The following GCNA variants were observed in gnomAD, a reference collection of about 807,000 sequenced individuals.
GCNA encodes germ cell nuclear acidic protein.
In GCNA, 3 loss-of-function variants were observed where a neutral mutation model predicts 38.8. That is an observed-to-expected ratio of 0.08 (90% CI 0.04 to 0.20). GCNA has a LOEUF of 0.20. Ranked by LOEUF, GCNA falls within the 10% of genes least tolerant of loss-of-function variation. The probability of loss-of-function intolerance (pLI) is 1.00; values close to 1 mark genes in which losing one functional copy is unlikely to be tolerated. For missense variants in GCNA, 446 were observed against 578.6 expected (o/e 0.77, Z 2.35); for synonymous variants, 195 against 240.2 (o/e 0.81, Z 1.74).
intron 6 of GCNA, 98 bp from the exon 7 acceptor site, chrX:71,597,852 G>T: frequency 1.6e-6 from 1 of 626,401 alleles, no homozygotes; most frequent in South Asian, 2.9e-5. Context: ...ACAAAAAATT[G>T]ACAAGTGGTC....
intron 12 of GCNA, 104 bp from the exon 13 acceptor site, chrX:71,612,758 A>C: frequency 9.0e-7 from 1 of 1,109,459 alleles, no homozygotes; most frequent in African/African-American, 1.8e-5. Flanking sequence ...GTCTCTGACA[A>C]CCCAGAGAAA....
chrX:71,612,682 G>A lies in GCNA; in HGVS notation c.1955+123G>A, dbSNP rs762452760. On this transcript the variant is annotated intron_variant, in intron 12 of 12. Transcript: ENST00000373696. ...GGAGAACCTCTCTCCTCCTTTCCAC[G>A]TTCTCTTTCTCCTTTCTCTTCCGTA... The A allele has an allele frequency of 3.3e-5, 30 of 895,727 alleles. No homozygotes were observed. The Admixed American group carries it at 4.1e-4, about 12-fold the overall frequency. The allele number at this position is 895,727 out of a possible 1,213,427, so 73.8% of individuals were successfully genotyped here. A position where few individuals can be genotyped will look rare whatever the true frequency, so the allele number is the denominator to read the frequency against.
At position 71,613,012 on chromosome X, in the gene GCNA, T is replaced by C. The variant is rs756046025; in HGVS notation, c.*30T>C. On this transcript the variant is annotated 3_prime_UTR_variant, in exon 13 of 13. Coordinates refer to ENST00000373696, the MANE Select transcript of GCNA (RefSeq NM_052957.5). The stretch of plus-strand genomic sequence containing the variant: ...TTGCTGTGTATGTGCAGAAGTATTA[T>C]AGAAAAATTATGCAGGAGATGGCTA... 3.3e-6 allele frequency: 4 copies of C among 1,204,784 alleles called. No individual in the cohort carries two copies. The highest frequency in any genetic ancestry group is 5.9e-5 in the East Asian group (2 of 33,701).
At position 71,605,747 on chromosome X, in the gene GCNA, A is replaced by G. The variant is rs760313290; in HGVS notation, c.1466+18A>G. On this transcript the variant is annotated intron_variant, in intron 9 of 12. Transcript: ENST00000373696. ...AAGACTAGGTATGTACTGCTCGCAT[A>G]CAGTTGAACAGGAATTTATTGCACA... is the stretch of plus-strand genomic sequence containing the variant. 10 of 1,182,884 alleles carry G rather than the reference A, an allele frequency of 8.5e-6. No individual in the cohort carries two copies. Among genetic ancestry groups the G allele is most frequent in the Non-Finnish European group, 1.1e-5 (10 of 874,976 alleles).
intron 10 of GCNA, among the ~76,000 whole-genome samples, chrX:71,610,439 C>A (rs762268838): frequency 8.1e-5 from 9 of 111,491 alleles, no homozygotes; most frequent in Non-Finnish European, 1.3e-4. Flanking sequence ...CATGGTGAAA[C>A]CCTGTCTCTA....
At chrX:71,586,796 G>A (rs929273006) in intron 2 of GCNA, among the ~76,000 whole-genome samples, 2 of 111,223 alleles carry the variant, frequency 1.8e-5, no homozygotes, top group South Asian at 7.6e-4. Context: ...TTTTAGTAGA[G>A]ACGGGGTTTC....
intron 9 of GCNA, among the ~76,000 whole-genome samples, chrX:71,606,529 C>T (rs949387037): frequency 2.7e-5 from 3 of 111,860 alleles, no homozygotes; most frequent in Non-Finnish European, 1.9e-5. Context: ...AATGTATGCT[C>T]ACATCTGAAT....
intron 1 of GCNA, among the ~76,000 whole-genome samples, chrX:71,579,840 T>G (rs1602164401): frequency 2.1e-5 from 2 of 96,980 alleles, no homozygotes; most frequent in African/African-American, 7.7e-5. Flanking sequence ...GTGAGAATGG[T>G]GGGGGTAGGG....
At chrX:71,591,134 G>A (rs1157337951) in intron 2 of GCNA, among the ~76,000 whole-genome samples, 1 of 111,078 alleles carries the variant, frequency 9.0e-6, no homozygotes, top group Non-Finnish European at 1.9e-5. Flanking sequence ...TGGAGGAGTG[G>A]CAGTGGCGGT....
intron 2 of GCNA, among the ~76,000 whole-genome samples, chrX:71,588,492 G>A (rs964854317): frequency 9.8e-5 from 11 of 112,095 alleles, no homozygotes; most frequent in African/African-American, 3.2e-4. Context: ...TCATATAAAA[G>A]CATACATAAT....
intron 2 of GCNA, among the ~76,000 whole-genome samples, chrX:71,591,905 A>T (rs1386270644): frequency 8.9e-6 from 1 of 112,235 alleles, no homozygotes; most frequent in African/African-American, 3.2e-5. Context: ...CGTGTTTTTG[A>T]TTCAGCAGTA....
chrX:71,583,692 CTTTTTT>C (rs753557808), intron 2 of GCNA, among the ~76,000 whole-genome samples: 1 of 72,658 alleles, frequency 1.4e-5, no homozygotes, highest in Admixed American at 1.8e-4. Context: ...CTATTATATT[CTTTTTT>C]TTTTTTTTTT....
At chrX:71,603,455 T>A (rs2040732303) in intron 7 of GCNA, 133 bp from the exon 8 acceptor site, 1 of 966,254 alleles carries the variant, frequency 1.0e-6, no homozygotes, top group Non-Finnish European at 1.4e-6. Context: ...AAATAACCGA[T>A]TCTTAACTGC....
Position 71,604,176 on chromosome X carries a change from A to T in GCNA, c.899A>T (p.Asp300Val), listed in dbSNP as rs2040746757. Reference protein sequence around the residue: ...DDSEASDDSSDDSEAPDDKSD... With the variant: ...DDSEASDDSSVDSEAPDDKSD... ...TCGGAAGCTTCCGACGACAGCAGTG[A>T]TGATTCGGAAGCTCCCGACGACAAG... Residue 300 changes from aspartate (D) to valine (V), a missense_variant, in exon 8 of 13, where the codon GAT (aspartate) becomes GTT (valine). This residue lies in a region of GCNA where 160 missense variants were observed against 165.2 expected (regional missense o/e 0.97). Transcript: ENST00000373696. 1.7e-6 allele frequency: 2 copies of T among 1,211,977 alleles called. No homozygotes were observed. Among genetic ancestry groups the T allele is most frequent in the East Asian group, 5.9e-5 (2 of 33,858 alleles).
At chrX:71,595,558 C>T (rs781627632) in intron 6 of GCNA, among the ~76,000 whole-genome samples, 55 of 111,756 alleles carry the variant, frequency 4.9e-4, no homozygotes, top group Non-Finnish European at 9.6e-4. Context: ...CAATATTTAA[C>T]GCCTTCTGTG....
At position 71,605,547 on chromosome X, in the gene GCNA, A is replaced by G. The variant is rs890450443; in HGVS notation, c.1400-116A>G. On this transcript the variant is annotated intron_variant, in intron 8 of 12. Coordinates refer to ENST00000373696, the MANE Select transcript of GCNA (RefSeq NM_052957.5). Reference sequence around the variant, plus strand: ...TGCCACTTCAGACAGTTTTGTTTAGAGAAGTTGCACTGGGCTTGGCTGTGA... The same window carrying G: ...TGCCACTTCAGACAGTTTTGTTTAGGGAAGTTGCACTGGGCTTGGCTGTGA... 9.4e-6 allele frequency: 5 copies of G among 530,272 alleles called. No individual in the cohort carries two copies. The African/African-American group carries it at 1.2e-4, about 12-fold the overall frequency. 43.7% of individuals were successfully genotyped at this position (530,272 alleles called of 1,213,427 possible).
At chrX:71,608,429 C>T (rs906698072) in intron 9 of GCNA, among the ~76,000 whole-genome samples, 4 of 111,125 alleles carry the variant, frequency 3.6e-5, no homozygotes, top group African/African-American at 9.8e-5. Context: ...CCCACCATCA[C>T]GCCCAGCTAA....
chrX:71,612,734 C>A (rs1219876674), intron 12 of GCNA, 128 bp from the exon 13 acceptor site: 1 of 1,037,326 alleles, frequency 9.6e-7, no homozygotes. Flanking sequence ...CCACTGCTGC[C>A]GCTTGGTGCC....
chrX:71,588,894 T>A, intron 2 of GCNA, among the ~76,000 whole-genome samples: 1 of 107,794 alleles, frequency 9.3e-6, no homozygotes, highest in South Asian at 4.0e-4. Context: ...TTTTTTAAGT[T>A]TTTTTTTTTT....
Sources: allele counts gnomAD v4.1 joint callset (sites outside exome capture counted in the v4.1 genomes callset), GRCh38; gene constraint gnomAD v4.1.1; regional missense constraint gnomAD v4.1.1; transcripts MANE v1.5; gene names NCBI Gene and HGNC (gene_info 2026-07-23, HGNC 2026-07-21).